The following CHMP5 variants were observed in gnomAD, a reference collection of about 807,000 sequenced individuals.
CHMP5 encodes the protein SNF7 domain containing 2.
CHMP5 carries 17 observed loss-of-function variants against 33.0 expected under a neutral mutation model. That is an observed-to-expected ratio of 0.52 (90% confidence interval 0.35 to 0.77). The LOEUF (loss-of-function observed/expected upper bound fraction) is 0.77. Ranked by LOEUF, CHMP5 falls within the 30% of genes least tolerant of loss-of-function variation. The pLI is 0.01. For synonymous variants in CHMP5, 76 were observed against 90.2 expected (o/e 0.84, Z 0.89); for missense variants, 216 against 261.5 (o/e 0.83, Z 1.20).
Position 33,280,072 on chromosome 9 carries a change from A to T in CHMP5, c.610-737A>T, listed in dbSNP as rs147741789. On this transcript the variant is annotated intron_variant, in intron 7 of 7. Coordinates refer to ENST00000223500, the MANE Select transcript of CHMP5 (RefSeq NM_016410.6). ...AGCTCACTGCAACCTCCACCCCCGG[A>T]TTCAAGCAATCCACCCACCTCAGCC... Among the ~76,000 whole-genome samples, 471 of 151,898 alleles carry T rather than the reference A, an allele frequency of 3.1e-3. 3 individuals are homozygous for T. Among genetic ancestry groups the T allele is most frequent in the African/African-American group, 0.011 (445 of 41,436 alleles).
rs114433010 is a variant in CHMP5, at chr9:33,274,448, C to T, written c.388-2008C>T. Among the ~76,000 whole-genome samples, 471 of 152,252 alleles carry T rather than the reference C, an allele frequency of 3.1e-3. 2 individuals carry two copies. The highest frequency in any genetic ancestry group is 0.011 in the African/African-American group (454 of 41,540). On this transcript the variant is annotated intron_variant, in intron 5 of 7. Transcript: ENST00000223500. ...TGCTGATTTGGTCCTTTTGCTTTATCAACACTAGTTCTGTTCCTGTCTGTG... is the reference window on the plus strand; with the variant it reads ...TGCTGATTTGGTCCTTTTGCTTTATTAACACTAGTTCTGTTCCTGTCTGTG...
At chr9:33,269,736 AG>A (rs1820770688) in intron 3 of CHMP5, among the ~76,000 whole-genome samples, 1 of 152,186 alleles carries the variant, frequency 6.6e-6, no homozygotes, top group African/African-American at 2.4e-5. Flanking sequence ...GCACTTTGGG[AG>A]GCCGAGGTGG....
At chr9:33,269,055 G>A (rs1820762163) in intron 3 of CHMP5, among the ~76,000 whole-genome samples, 1 of 152,114 alleles carries the variant, frequency 6.6e-6, no homozygotes, top group Non-Finnish European at 1.5e-5. Context: ...TCTTTTTCTA[G>A]TTGGATAGTT....
intron 4 of CHMP5, 51 bp downstream of exon 4, chr9:33,270,767 C>A: frequency 7.0e-7 from 1 of 1,427,044 alleles, no homozygotes; most frequent in Non-Finnish European, 9.9e-7. Context: ...TTCTTATTCT[C>A]TTTTCCGATG....
chr9:33,270,684 A>T lies in CHMP5; in HGVS notation c.283A>T (p.Thr95Ser). ...QSFNMEQANY[T>S]IQSLKDTKTT... The stretch of plus-strand genomic sequence containing the variant: ...ATTCAACATGGAACAAGCCAATTAT[A>T]CCATCCAGTCTTTGAAGGACACCAA... The change falls in exon 4 of 8, where the codon ACC becomes TCC. Residue 95 changes from threonine (T) to serine (S), a missense_variant. Thr to Ser is a moderately conservative substitution (Grantham distance 58, BLOSUM62 1). Transcript: ENST00000223500. 1 of 1,614,090 alleles carries T rather than the reference A, an allele frequency of 6.2e-7. No homozygotes were observed.
At chr9:33,268,252 T>C (rs1289202328) in intron 3 of CHMP5, among the ~76,000 whole-genome samples, 1 of 152,368 alleles carries the variant, frequency 6.6e-6, no homozygotes, top group African/African-American at 2.4e-5. Context: ...GTGACTACTG[T>C]TTTGGACTGA....
chr9:33,277,998 C>A, intron 6 of CHMP5, 115 bp from the exon 7 acceptor site: 1 of 654,684 alleles, frequency 1.5e-6, no homozygotes, highest in Non-Finnish European at 2.7e-6. Context: ...CAGCATACAA[C>A]AATCTCATGC....
At position 33,271,149 on chromosome 9, in the gene CHMP5, T is replaced by G. The variant is rs1820789174; in HGVS notation, c.316-3T>G. 1 of 1,608,630 alleles carries G rather than the reference T, an allele frequency of 6.2e-7. No individual in the cohort carries two copies. Among genetic ancestry groups the G allele is most frequent in the Non-Finnish European group, 8.5e-7 (1 of 1,175,224 alleles). ...CATTGTGTTTTCTTCTTCCTTTTCT[T>G]AGGTTGATGCTATGAAACTGGGAGT... On this transcript the variant is annotated splice_polypyrimidine_tract_variant and splice_region_variant and intron_variant, in intron 4 of 7. Transcript: ENST00000223500.
At position 33,276,440 on chromosome 9, in the gene CHMP5, A is replaced by T. The variant is rs774358584; in HGVS notation, c.388-16A>T. ...ATGGTAAATGAGAGAAAATCCTCTC[A>T]TATATATTTCCGTAGGATTTACAAG... is the stretch of plus-strand genomic sequence containing the variant. On this transcript the variant is annotated splice_polypyrimidine_tract_variant and intron_variant, in intron 5 of 7. Transcript: ENST00000223500. 32 of 1,407,754 alleles carry T rather than the reference A, an allele frequency of 2.3e-5. No homozygotes were observed. In the East Asian group the frequency reaches 6.8e-4, roughly 30 times the overall value. The allele number at this position is 1,407,754 out of a possible 1,614,324, so 87.2% of individuals were successfully genotyped here. A position where few individuals can be genotyped will look rare whatever the true frequency, so the allele number is the denominator to read the frequency against.
intron 5 of CHMP5, 133 bp downstream of exon 5, chr9:33,271,356 G>A (rs1820792710): frequency 2.0e-5 from 14 of 698,216 alleles, no homozygotes; most frequent in Non-Finnish European, 3.3e-5. Flanking sequence ...GAGTAACTTC[G>A]AGAAAGGGTA....
intron 1 of CHMP5, among the ~76,000 whole-genome samples, chr9:33,265,780 A>G (rs1211403459): frequency 6.6e-6 from 1 of 152,032 alleles, no homozygotes; most frequent in East Asian, 1.9e-4. Flanking sequence ...GCCCCAACCC[A>G]CTTGAAGGCT....
At chr9:33,273,219 AC>A (rs901538793) in intron 5 of CHMP5, among the ~76,000 whole-genome samples, 1 of 149,474 alleles carries the variant, frequency 6.7e-6, no homozygotes, top group African/African-American at 2.5e-5. Context: ...TGATCCGCCC[AC>A]CTCGGCCTCC....
At chr9:33,265,177 C>A in intron 1 of CHMP5, 30 bp downstream of exon 1, 2 of 1,611,072 alleles carry the variant, frequency 1.2e-6, no homozygotes, top group Non-Finnish European at 1.7e-6. Flanking sequence ...TAAGTAGGCT[C>A]AGGACCTCTG....
intron 2 of CHMP5, among the ~76,000 whole-genome samples, chr9:33,267,557 G>T (rs1011495153): frequency 6.6e-6 from 1 of 152,116 alleles, no homozygotes; most frequent in African/African-American, 2.4e-5. Flanking sequence ...TAAGGCAACT[G>T]GATATACAGA....
intron 5 of CHMP5, 131 bp from the exon 6 acceptor site, chr9:33,276,325 T>C: frequency 1.7e-6 from 1 of 588,882 alleles, no homozygotes. Flanking sequence ...ACTGTTTATG[T>C]GCTTGGCATT....
Position 33,281,058 on chromosome 9 carries a change from CTTT to C in CHMP5, c.*204_*206del. The C allele has an allele frequency of 2.2e-6, 1 of 453,334 alleles. No homozygotes were observed. Among genetic ancestry groups the C allele is most frequent in the South Asian group, 5.4e-5 (1 of 18,552 alleles). 28.1% of individuals were successfully genotyped at this position (453,334 alleles called of 1,614,324 possible). A position where few individuals can be genotyped will look rare whatever the true frequency, so the allele number is the denominator to read the frequency against. On this transcript the variant is annotated 3_prime_UTR_variant, in exon 8 of 8. Transcript: ENST00000223500. ...CTTTCTTCGTACTAAAATTTGATTC[CTTT>C]TTTTCTTATGAAAAACGAACTCAGT...
chr9:33,273,605 T>C (rs1264295806), intron 5 of CHMP5, among the ~76,000 whole-genome samples: 1 of 152,224 alleles, frequency 6.6e-6, no homozygotes, highest in Non-Finnish European at 1.5e-5. Flanking sequence ...AGAAAATATT[T>C]TCATTGTTTT....
chr9:33,266,896 T>C (rs1238891858), intron 2 of CHMP5, among the ~76,000 whole-genome samples: 2 of 152,212 alleles, frequency 1.3e-5, no homozygotes, highest in African/African-American at 2.4e-5. Context: ...TCCTGTTAGG[T>C]AGAAACATAA....
At chr9:33,274,966 G>C (rs1820835459) in intron 5 of CHMP5, among the ~76,000 whole-genome samples, 1 of 152,146 alleles carries the variant, frequency 6.6e-6, no homozygotes, top group Non-Finnish European at 1.5e-5. Context: ...ATAAGGCTTA[G>C]AGACATTACT....
Sources: allele counts gnomAD v4.1 joint callset (sites outside exome capture counted in the v4.1 genomes callset), GRCh38; gene constraint gnomAD v4.1.1; transcripts MANE v1.5; gene names NCBI Gene and HGNC (gene_info 2026-07-23, HGNC 2026-07-21).